Variants in SMAD4 observed in about 807,000 individuals in gnomAD.
SMAD4 encodes MAD homolog 4.
SMAD4 carries 7 observed loss-of-function variants against 63.2 expected under a neutral mutation model. The ratio of observed to expected loss-of-function variants is 0.11; its 90% CI spans 0.06 to 0.21. The LOEUF (loss-of-function observed/expected upper bound fraction) is 0.21, where lower values mean the gene tolerates loss of function less well. Among genes scored for constraint, SMAD4 ranks in the 10% least tolerant of loss-of-function variants. The pLI, the probability that SMAD4 is intolerant of heterozygous loss-of-function variation, is 1.00. For synonymous variants in SMAD4, 215 were observed against 235.4 expected (o/e 0.91, Z 0.79); for missense variants, 312 against 693.8 (o/e 0.45, Z 6.18).
intron 10 of SMAD4, among the ~76,000 whole-genome samples, chr18:51,073,562 G>T (rs1034176838): frequency 6.6e-6 from 1 of 151,476 alleles, no homozygotes; most frequent in African/African-American, 2.4e-5. Flanking sequence ...ACGGAGTCTT[G>T]CTCTGTTGCC....
chr18:51,046,597 G>A (rs1909550504), intron 1 of SMAD4, among the ~76,000 whole-genome samples: 1 of 151,814 alleles, frequency 6.6e-6, no homozygotes, highest in Non-Finnish European at 1.5e-5. Context: ...AAAAAGTGCT[G>A]GTAAGATTTT....
intron 1 of SMAD4, among the ~76,000 whole-genome samples, chr18:51,033,657 A>T (rs1360259223): frequency 1.3e-5 from 2 of 152,230 alleles, no homozygotes; most frequent in African/African-American, 4.8e-5. Context: ...GCATATATCA[A>T]GCATATGCTT....
chr18:51,063,246 GTTTTTTGTTGTGTT>G (rs1241182637), intron 8 of SMAD4, among the ~76,000 whole-genome samples: 1 of 151,932 alleles, frequency 6.6e-6, no homozygotes, highest in Non-Finnish European at 1.5e-5. Flanking sequence ...TGTTGTTACT[GTTTTTTGTTGTGTT>G]TTTTTTGGCC....
chr18:51,040,349 A>T (rs1909337807), intron 1 of SMAD4, among the ~76,000 whole-genome samples: 1 of 151,754 alleles, frequency 6.6e-6, no homozygotes, highest in Non-Finnish European at 1.5e-5. Context: ...GCTTGAACCC[A>T]GGAGGCAGAA....
At chr18:51,068,558 A>G (rs558352440) in intron 10 of SMAD4, among the ~76,000 whole-genome samples, 4 of 152,328 alleles carry the variant, frequency 2.6e-5, no homozygotes, top group East Asian at 1.9e-4. Flanking sequence ...TTAGAACAAT[A>G]GAATAAAGCA....
At chr18:51,043,616 AAGAG>A (rs1375882274) in intron 1 of SMAD4, among the ~76,000 whole-genome samples, 4 of 152,138 alleles carry the variant, frequency 2.6e-5, no homozygotes, top group Non-Finnish European at 2.9e-5. Flanking sequence ...GAATACAATA[AAGAG>A]AGAGATGAGA....
intron 11 of SMAD4, 146 bp from the exon 12 acceptor site, chr18:51,078,110 C>T: frequency 1.4e-6 from 1 of 723,606 alleles, no homozygotes; most frequent in South Asian, 1.5e-5. Flanking sequence ...TTTAGATCTA[C>T]TGTTACTTCT....
intron 1 of SMAD4, among the ~76,000 whole-genome samples, chr18:51,039,489 A>AC (rs1210539773): frequency 6.0e-5 from 6 of 99,288 alleles, no homozygotes; most frequent in Middle Eastern, 5.5e-3. Context: ...TCCCCCCCCC[A>AC]CCCCCCCACC....
At chr18:51,044,592 C>T (rs146006919) in intron 1 of SMAD4, among the ~76,000 whole-genome samples, 204 of 151,826 alleles carry the variant, frequency 1.3e-3, no homozygotes, top group African/African-American at 4.8e-3. Flanking sequence ...CAGGTTTTGC[C>T]GTGTTGCCCA....
chr18:51,068,105 A>G (rs1252056816), intron 10 of SMAD4, among the ~76,000 whole-genome samples: 1 of 152,210 alleles, frequency 6.6e-6, no homozygotes, highest in African/African-American at 2.4e-5. Flanking sequence ...GCTTAGGATA[A>G]AAATAATGTA....
chr18:51,053,901 T>G (rs1206064030), intron 4 of SMAD4: 2 of 152,192 alleles, frequency 1.3e-5, no homozygotes, highest in Non-Finnish European at 2.9e-5. Context: ...GATTGGTTGC[T>G]AAAGGTAAAA....
At chr18:51,075,942 G>C (rs749854677) in intron 10 of SMAD4, among the ~76,000 whole-genome samples, 7 of 151,924 alleles carry the variant, frequency 4.6e-5, no homozygotes, top group Non-Finnish European at 1.0e-4. Flanking sequence ...ATCGGTGATG[G>C]GATTTAAAAC....
Position 51,081,575 on chromosome 18 carries a change from A to G in SMAD4, c.*3108A>G, listed in dbSNP as rs915635757. On this transcript the variant is annotated 3_prime_UTR_variant, in exon 12 of 12. Coordinates refer to ENST00000342988, the MANE Select transcript of SMAD4 (RefSeq NM_005359.6). ...TGAACAGTGCAGATTTACAGGTTGC[A>G]TGGTCTGGCTTAAGGAGAGCCATAC... is the stretch of plus-strand genomic sequence containing the variant. The G allele has an allele frequency of 8.6e-6, 2 of 232,298 alleles. No individual in the cohort carries two copies. Among genetic ancestry groups the G allele is most frequent in the African/African-American group, 2.2e-5 (1 of 45,286 alleles). 14.4% of individuals were successfully genotyped at this position (232,298 alleles called of 1,614,324 possible).
At chr18:51,036,556 A>C (rs1021539020) in intron 1 of SMAD4, among the ~76,000 whole-genome samples, 1 of 152,222 alleles carries the variant, frequency 6.6e-6, no homozygotes, top group Non-Finnish European at 1.5e-5. Flanking sequence ...TTGAAGGAAG[A>C]ATGTGTATAG....
chr18:51,048,526 T>C (rs1028491991), intron 2 of SMAD4, among the ~76,000 whole-genome samples, 160 bp from the exon 3 acceptor site: 1 of 152,248 alleles, frequency 6.6e-6, no homozygotes, highest in Admixed American at 6.5e-5. Flanking sequence ...CTAGGTCTGA[T>C]GTATGACATG....
intron 5 of SMAD4, 42 bp downstream of exon 5, chr18:51,055,035 C>T (rs1004410602): frequency 7.1e-7 from 1 of 1,401,860 alleles, no homozygotes; most frequent in Middle Eastern, 1.8e-4. Flanking sequence ...TTGAGTTTTC[C>T]TAATCATTGC....
At chr18:51,063,904 T>C (rs1053890226) in intron 8 of SMAD4, among the ~76,000 whole-genome samples, 2 of 152,354 alleles carry the variant, frequency 1.3e-5, no homozygotes, top group African/African-American at 4.8e-5. Context: ...TATCCAATCT[T>C]CATGTGATCT....
intron 10 of SMAD4, among the ~76,000 whole-genome samples, chr18:51,071,159 T>C (rs958571738): frequency 3.9e-5 from 6 of 152,136 alleles, no homozygotes; most frequent in Admixed American, 6.6e-5. Context: ...TTGTAAGTTA[T>C]CAGATTTTCA....
intron 1 of SMAD4, among the ~76,000 whole-genome samples, chr18:51,046,615 G>A (rs1366901746): frequency 1.3e-5 from 2 of 151,630 alleles, no homozygotes; most frequent in African/African-American, 2.4e-5. Flanking sequence ...TTTCCTTTAG[G>A]GTGACTAGTA....
Sources: allele counts gnomAD v4.1 joint callset (sites outside exome capture counted in the v4.1 genomes callset), GRCh38; gene constraint gnomAD v4.1.1; transcripts MANE v1.5; gene names NCBI Gene and HGNC (gene_info 2026-07-23, HGNC 2026-07-21).